The following CCDC136 variants were observed in gnomAD, a reference collection of about 807,000 sequenced individuals.
CCDC136 encodes the protein coiled-coil domain containing 136.
Under a neutral mutation model 141.2 loss-of-function variants are expected in CCDC136, and 100 were observed. The ratio of observed to expected loss-of-function variants is 0.71; its 90% CI spans 0.60 to 0.84. The LOEUF (loss-of-function observed/expected upper bound fraction) is 0.84, where lower values mean the gene tolerates loss of function less well. CCDC136 is among the 40% of genes least tolerant of loss of function. CCDC136 has a pLI of 0.00. For synonymous variants in CCDC136, 474 were observed against 531.9 expected (o/e 0.89, Z 1.50); for missense variants, 1,206 against 1,379.4 (o/e 0.87, Z 1.99).
At chr7:128,796,264 C>T (rs368012324) in intron 3 of CCDC136, among the ~76,000 whole-genome samples, 1 of 152,042 alleles carries the variant, frequency 6.6e-6, no homozygotes, top group African/African-American at 2.4e-5. Flanking sequence ...TGAGCTAAGA[C>T]CTGAATAATG....
chr7:128,810,694 T>C (rs1347429217), intron 12 of CCDC136, among the ~76,000 whole-genome samples: 1 of 152,238 alleles, frequency 6.6e-6, no homozygotes, highest in African/African-American at 2.4e-5. Context: ...CCCAGTAAGA[T>C]GTATAATATC....
chr7:128,802,019 T>G (rs1280809719), intron 4 of CCDC136, among the ~76,000 whole-genome samples: 1 of 152,190 alleles, frequency 6.6e-6, no homozygotes, highest in Admixed American at 6.5e-5. Flanking sequence ...CCTGGCATCA[T>G]GGTGCTTTGC....
intron 12 of CCDC136, among the ~76,000 whole-genome samples, chr7:128,811,599 G>T (rs943616674): frequency 3.9e-5 from 6 of 152,150 alleles, no homozygotes; most frequent in African/African-American, 1.4e-4. Context: ...TATCTGCCCT[G>T]GGGAGATTTT....
At position 128,807,449 on chromosome 7, in the gene CCDC136, C is replaced by G; in HGVS notation, c.1509C>G (p.Asp503Glu). 1 of 1,567,534 alleles carries G rather than the reference C, an allele frequency of 6.4e-7. No individual in the cohort carries two copies. Among genetic ancestry groups the G allele is most frequent in the South Asian group, 1.2e-5 (1 of 83,994 alleles). Residue 503 changes from aspartate to glutamate, a missense_variant, in exon 10 of 18, where the codon GAC becomes GAG. By Grantham distance (45) the Asp-to-Glu change is conservative. Coordinates refer to ENST00000297788, the MANE Select transcript of CCDC136 (RefSeq NM_022742.5). ...DELERQKHMYDQLEQDLLLCQ... is the reference protein window; with the variant it reads ...DELERQKHMYEQLEQDLLLCQ... The stretch of plus-strand genomic sequence containing the variant: ...TGGAGCGGCAGAAGCACATGTATGA[C>G]CAGCTGGAGCAGGACCTCCTGCTCT...
chr7:128,807,937 A>G (rs980599960), intron 10 of CCDC136: 1 of 153,780 alleles, frequency 6.5e-6, no homozygotes, highest in Non-Finnish European at 1.4e-5. Context: ...TCAGATTGCA[A>G]ATGGTCTTAT....
At chr7:128,798,241 T>G (rs192614084) in intron 3 of CCDC136, among the ~76,000 whole-genome samples, 659 of 17,368 alleles carry the variant, frequency 0.038, 3 homozygotes, top group South Asian at 0.07. Context: ...AGAGCGATTC[T>G]CTCCTCAGTA....
rs200045449 is a variant in CCDC136 at position 128,794,529 on chromosome 7, G to A, written c.198G>A (p.Leu66=). The change falls in exon 2 of 18, where the codon CTG becomes CTA. Residue 66 remains leucine (L), a synonymous_variant. Transcript: ENST00000297788. This position sits in a 1 kb window ranked among gnomAD's most constrained non-coding sequence, Gnocchi z 4.3. ...TELEELRAQV[L]QLVAELEETR... is the part of the protein sequence containing the mutation. Reference sequence around the variant, plus strand: ...TGGAGGAGCTGCGGGCTCAGGTGCTGCAGCTGGTGGCAGAACTGGAGGAGA... The same window carrying A: ...TGGAGGAGCTGCGGGCTCAGGTGCTACAGCTGGTGGCAGAACTGGAGGAGA... The A allele has an allele frequency of 4.5e-6, 7 of 1,554,084 alleles. No homozygotes were observed. The Admixed American group carries it at 1.4e-4, about 30-fold the overall frequency.
chr7:128,807,632 C>G lies in CCDC136; in HGVS notation c.1605+87C>G, dbSNP rs1805073364. 1.3e-5 allele frequency: 12 copies of G among 900,782 alleles called. No homozygotes were observed. In the South Asian group the frequency reaches 3.8e-4, roughly 29 times the overall value. 55.8% of individuals were successfully genotyped at this position (900,782 alleles called of 1,614,324 possible). On this transcript the variant is annotated intron_variant, in intron 10 of 17. Coordinates refer to ENST00000297788, the MANE Select transcript of CCDC136 (RefSeq NM_022742.5). ...AGGCAAAAAGTGAAGGCACCCAACC[C>G]AAGGGCTTGATGGCCTTCCTAGGCA...
rs1330882713 is a variant in CCDC136 at position 128,804,712 on chromosome 7, G to C, written c.733G>C (p.Glu245Gln). The part of the protein sequence containing the change: ...FLNEEYRALQ[E>Q]SNSSLTGQLA... ...GAATGAGGAATACCGGGCCCTGCAGGAGAGCAACAGCAGCCTCACGGGGCA... is the reference window on the plus strand; with the variant it reads ...GAATGAGGAATACCGGGCCCTGCAGCAGAGCAACAGCAGCCTCACGGGGCA... Residue 245 changes from glutamate to glutamine, a missense_variant, in exon 5 of 18, where the codon GAG (glutamate) becomes CAG (glutamine). Coordinates refer to ENST00000297788, the MANE Select transcript of CCDC136 (RefSeq NM_022742.5). 1 of 1,600,772 alleles carries C rather than the reference G, an allele frequency of 6.2e-7. No individual in the cohort carries two copies. Among genetic ancestry groups the C allele is most frequent in the Non-Finnish European group, 8.5e-7 (1 of 1,173,998 alleles).
At chr7:128,799,255 G>A (rs1297335209) in intron 3 of CCDC136, among the ~76,000 whole-genome samples, 1 of 150,082 alleles carries the variant, frequency 6.7e-6, no homozygotes, top group Non-Finnish European at 1.5e-5. Flanking sequence ...GAGGAGGGAG[G>A]ATTGCTTGAG....
At chr7:128,807,606 G>A (rs1805071118) in intron 10 of CCDC136, 61 bp downstream of exon 10, 6 of 1,229,174 alleles carry the variant, frequency 4.9e-6, no homozygotes, top group Middle Eastern at 2.0e-4. Context: ...AAGAGGTACA[G>A]AGGCAAAAAG....
rs750607824 is a variant in CCDC136, at chr7:128,817,638, CTT to C, written c.3364-119_3364-118del. On this transcript the variant is annotated intron_variant, in intron 16 of 17. Coordinates refer to ENST00000297788, the MANE Select transcript of CCDC136 (RefSeq NM_022742.5). This position sits in a 1 kb window ranked among gnomAD's most constrained non-coding sequence, Gnocchi z 4.6. ...CTCTAGCTTACCTGTTTTTTAACCTCTTGATTCCTTTCTCTTTTCCCTTTGTT... is the reference window on the plus strand; with the variant it reads ...CTCTAGCTTACCTGTTTTTTAACCTCGATTCCTTTCTCTTTTCCCTTTGTT... 3.2e-4 allele frequency: 272 copies of C among 842,272 alleles called. No homozygotes were observed. Among genetic ancestry groups the C allele is most frequent in the Non-Finnish European group, 5.3e-4 (253 of 479,872 alleles). 52.2% of individuals were successfully genotyped at this position (842,272 alleles called of 1,614,324 possible). A position where few individuals can be genotyped will look rare whatever the true frequency, so the allele number is the denominator to read the frequency against.
intron 10 of CCDC136, chr7:128,808,978 A>G: frequency 1.0e-6 from 1 of 985,218 alleles, no homozygotes; most frequent in Non-Finnish European, 1.2e-6. Flanking sequence ...ATTTAAAGAG[A>G]GAATTAGGAA....
intron 13 of CCDC136, 135 bp downstream of exon 13, chr7:128,812,447 GA>G: frequency 2.0e-6 from 2 of 1,016,800 alleles, no homozygotes; most frequent in Non-Finnish European, 2.8e-6. Context: ...GGAAGTAAGC[GA>G]AGCCCTCTAC....
In CCDC136 at chr7:128,814,644, G is replaced by A; in HGVS notation, c.2770G>A (p.Glu924Lys). The change falls in exon 15 of 18, where the codon GAA becomes AAA. Residue 924 changes from glutamate (E) to lysine (K), a missense_variant. Glu to Lys is a moderately conservative substitution (Grantham distance 56). Coordinates refer to ENST00000297788, the MANE Select transcript of CCDC136 (RefSeq NM_022742.5). ...GGCCCTCCACTACCAACAGATCAAA[G>A]AACTGCAGACCAAGCTGCGGGAGCT... ...APQNDKNEIK[E>K]LQTKLRELQL... 6.3e-7 allele frequency: 1 copy of A among 1,575,086 alleles called. No individual in the cohort carries two copies. Among genetic ancestry groups the A allele is most frequent in the Non-Finnish European group, 8.6e-7 (1 of 1,160,306 alleles).
intron 12 of CCDC136, chr7:128,811,427 G>A (rs537107939): frequency 2.2e-6 from 1 of 457,724 alleles, no homozygotes; most frequent in African/African-American, 2.0e-5. Flanking sequence ...GGGTGGGCGA[G>A]GGGACTGAGC....
Position 128,807,543 on chromosome 7 carries a change from A to G in CCDC136, c.1603A>G (p.Lys535Glu). 1.4e-6 allele frequency: 2 copies of G among 1,426,496 alleles called. No individual in the cohort carries two copies. The highest frequency in any genetic ancestry group is 2.9e-5 in the African/African-American group (2 of 68,344). 88.4% of individuals were successfully genotyped at this position (1,426,496 alleles called of 1,614,324 possible). A position where few individuals can be genotyped will look rare whatever the true frequency, so the allele number is the denominator to read the frequency against. Residue 535 changes from lysine (K) to glutamate (E), a missense_variant and splice_region_variant, in exon 10 of 18, where the codon AAG becomes GAG. By Grantham distance (56) the Lys-to-Glu change is moderately conservative (BLOSUM62 1). Coordinates refer to ENST00000297788, the MANE Select transcript of CCDC136 (RefSeq NM_022742.5). Reference sequence around the variant, plus strand: ...GGAGGACAAAGGAAAGTGTGCTAATAAGGTAATTGTCGTTCAGAGAGGTGA... The same window carrying G: ...GGAGGACAAAGGAAAGTGTGCTAATGAGGTAATTGTCGTTCAGAGAGGTGA... ...IPEDKGKCAN[K>E]CDTLLSRLTE...
At chr7:128,807,307 G>A (rs967772281) in intron 9 of CCDC136, 53 bp from the exon 10 acceptor site, 2 of 1,328,374 alleles carry the variant, frequency 1.5e-6, no homozygotes, top group Non-Finnish European at 2.0e-6. Flanking sequence ...GGAGGAGAGA[G>A]TCCAGCAGCA....
Position 128,822,028 on chromosome 7 carries a change from T to G in CCDC136, c.*235T>G. On this transcript the variant is annotated 3_prime_UTR_variant, in exon 18 of 18. Transcript: ENST00000297788. Reference sequence around the variant, plus strand: ...TCCATGTGTCCCCATCTCCTCAGCCTCAGTCACCCAGGCTGAAAAGGCTTG... The same window carrying G: ...TCCATGTGTCCCCATCTCCTCAGCCGCAGTCACCCAGGCTGAAAAGGCTTG... 1 of 1,218,340 alleles carries G rather than the reference T, an allele frequency of 8.2e-7. No homozygotes were observed. The highest frequency in any genetic ancestry group is 1.1e-6 in the Non-Finnish European group (1 of 951,052). The allele number at this position is 1,218,340 out of a possible 1,614,324, so 75.5% of individuals were successfully genotyped here.
Sources: allele counts gnomAD v4.1 joint callset (sites outside exome capture counted in the v4.1 genomes callset), GRCh38; gene constraint gnomAD v4.1.1; non-coding constraint Gnocchi (gnomAD v3.1); transcripts MANE v1.5; gene names NCBI Gene and HGNC (gene_info 2026-07-23, HGNC 2026-07-21).